Variants in FAM47E observed in about 807,000 individuals in gnomAD.
FAM47E encodes the protein family with sequence similarity 47 member E, also known as protein FAM47E.
A neutral mutation model predicts 41.6 loss-of-function variants in FAM47E; 32 were observed. The ratio of observed to expected loss-of-function variants is 0.77; its 90% CI spans 0.58 to 1.03. FAM47E has a LOEUF of 1.03. FAM47E is among the 50% of genes least tolerant of loss of function. The pLI is 0.00. For synonymous variants in FAM47E, 184 were observed against 188.7 expected (o/e 0.98, Z 0.20); for missense variants, 424 against 485.4 (o/e 0.87, Z 1.19).
At chr4:76,253,677 G>A (rs979874690) in intron 1 of FAM47E, among the ~76,000 whole-genome samples, 2 of 151,970 alleles carry the variant, frequency 1.3e-5, no homozygotes, top group African/African-American at 2.4e-5. Context: ...GGTGGCACAT[G>A]CCTGTAGTCC....
At chr4:76,270,937 C>G (rs1326625406) in intron 4 of FAM47E, among the ~76,000 whole-genome samples, 1 of 152,178 alleles carries the variant, frequency 6.6e-6, no homozygotes, top group African/African-American at 2.4e-5. Context: ...TGACTCCTCT[C>G]TATAAATTTT....
At chr4:76,239,053 A>G (rs1025242828) in intron 2 of FAM47E, among the ~76,000 whole-genome samples, 2 of 152,198 alleles carry the variant, frequency 1.3e-5, no homozygotes, top group Non-Finnish European at 2.9e-5. Flanking sequence ...TCCATGTTAT[A>G]CCATATATCA....
intron 3 of FAM47E, among the ~76,000 whole-genome samples, chr4:76,266,691 C>T (rs765622872): frequency 1.5e-4 from 23 of 152,166 alleles, no homozygotes; most frequent in Non-Finnish European, 2.8e-4. Flanking sequence ...GCTTGAGATT[C>T]TCCAATTGCT....
chr4:76,266,782 T>G (rs1287380674), intron 3 of FAM47E, among the ~76,000 whole-genome samples: 1 of 152,206 alleles, frequency 6.6e-6, no homozygotes. Context: ...CTCTCAAGCC[T>G]CATCCTCTAC....
chr4:76,237,193 C>G lies in FAM47E; in HGVS notation c.81+19505C>G, dbSNP rs560766018. On this transcript the variant is annotated intron_variant, in intron 2 of 7. Transcript: ENST00000510197. ...TACAGGTGTGAGCCACCGCGCCTGGCCATAAAATGTTTCTTATCAGATTTA... is the reference window on the plus strand; with the variant it reads ...TACAGGTGTGAGCCACCGCGCCTGGGCATAAAATGTTTCTTATCAGATTTA... Among the ~76,000 whole-genome samples the G allele has an allele frequency of 2.6e-5, 4 of 151,904 alleles. No individual in the cohort carries two copies. The South Asian group carries it at 8.3e-4, about 32-fold the overall frequency.
At chr4:76,272,337 C>T (rs1299115724) in intron 5 of FAM47E, among the ~76,000 whole-genome samples, 1 of 152,180 alleles carries the variant, frequency 6.6e-6, no homozygotes, top group Non-Finnish European at 1.5e-5. Context: ...TACAGTGTGT[C>T]ACTGCAAATA....
intron 2 of FAM47E, among the ~76,000 whole-genome samples, chr4:76,224,268 T>G (rs1733358000): frequency 6.6e-6 from 1 of 152,234 alleles, no homozygotes; most frequent in Admixed American, 6.5e-5. Context: ...GCTGGCCATC[T>G]GTGTTAATTG....
At chr4:76,259,455 A>G (rs946779349) in intron 2 of FAM47E, among the ~76,000 whole-genome samples, 1 of 152,214 alleles carries the variant, frequency 6.6e-6, no homozygotes. Flanking sequence ...ACTTTTTAAA[A>G]TCAGTGATAT....
intron 2 of FAM47E, among the ~76,000 whole-genome samples, chr4:76,262,241 C>A (rs1336185272): frequency 1.3e-5 from 2 of 152,126 alleles, no homozygotes. Flanking sequence ...AACGTATTCT[C>A]CAAGGAGAGC....
chr4:76,263,582 T>C, intron 2 of FAM47E, 122 bp from the exon 3 acceptor site: 1 of 1,213,810 alleles, frequency 8.2e-7, no homozygotes, highest in Non-Finnish European at 1.1e-6. Context: ...CAGAAGTTGG[T>C]GAACAGCACT....
chr4:76,272,018 G>A (rs551997521), intron 5 of FAM47E, among the ~76,000 whole-genome samples: 41 of 152,228 alleles, frequency 2.7e-4, no homozygotes, highest in Non-Finnish European at 4.6e-4. Context: ...TAATTTGTTA[G>A]GTGTTTTATA....
chr4:76,245,193 C>T (rs1733799165), intron 2 of FAM47E, among the ~76,000 whole-genome samples: 1 of 151,866 alleles, frequency 6.6e-6, no homozygotes, highest in Non-Finnish European at 1.5e-5. Flanking sequence ...AATACTGAGT[C>T]ATAAGTAACA....
rs1435004023 is a variant in FAM47E at position 76,283,438 on chromosome 4, A to G, written c.1162A>G (p.Ile388Val). Residue 388 changes from isoleucine (I) to valine (V), a missense_variant, in exon 8 of 8, where the codon ATA becomes GTA. Coordinates refer to ENST00000424749, the MANE Select transcript of FAM47E (RefSeq NM_001136570.3). ...TAAACGTGCATGTAATAAGACTCCT[A>G]TAAAACGAACTCAAGCATAGAAGAA... Reference protein sequence around the residue: ...ECKRACNKTPIKRTQA With the variant: ...ECKRACNKTPVKRTQA 5 of 1,544,888 alleles carry G rather than the reference A, an allele frequency of 3.2e-6. No homozygotes were observed. Among genetic ancestry groups the G allele is most frequent in the Non-Finnish European group, 3.5e-6 (4 of 1,140,924 alleles).
At position 76,268,720 on chromosome 4, in the gene FAM47E, A is replaced by G; in HGVS notation, c.621A>G (p.Lys207=). 6.4e-7 allele frequency: 1 copy of G among 1,551,538 alleles called. No homozygotes were observed. The highest frequency in any genetic ancestry group is 8.7e-7 in the Non-Finnish European group (1 of 1,146,926). ...GGCTTTATGAAGAAAAGCCACATAA[A>G]ATGGATTTGCTCCATGAAAATGGTC... ...GQWLYEEKPH[K]MDLLHENGPR... is the part of the protein sequence containing the mutation. Residue 207 remains lysine, a synonymous_variant, in exon 4 of 8, where the codon AAA becomes AAG. Coordinates refer to ENST00000424749, the MANE Select transcript of FAM47E (RefSeq NM_001136570.3).
intron 1 of FAM47E, among the ~76,000 whole-genome samples, chr4:76,216,327 T>G (rs893243705): frequency 6.6e-6 from 1 of 152,102 alleles, no homozygotes; most frequent in African/African-American, 2.4e-5. Context: ...AAAAAAAAAT[T>G]TGGTAACTTG....
chr4:76,263,135 A>T (rs992131596), intron 2 of FAM47E, among the ~76,000 whole-genome samples: 2 of 151,996 alleles, frequency 1.3e-5, no homozygotes, highest in Non-Finnish European at 1.5e-5. Flanking sequence ...AGATGACTGA[A>T]ATTATAAAGC....
intron 5 of FAM47E, among the ~76,000 whole-genome samples, chr4:76,277,586 C>T (rs1044877993): frequency 6.6e-5 from 10 of 152,180 alleles, no homozygotes; most frequent in East Asian, 3.9e-4. Context: ...GGCTGAGCAC[C>T]GTGCTGGGCT....
chr4:76,244,925 A>G (rs1307521074), intron 2 of FAM47E, among the ~76,000 whole-genome samples: 1 of 152,200 alleles, frequency 6.6e-6, no homozygotes, highest in African/African-American at 2.4e-5. Context: ...TATAAACCAC[A>G]TTGTAGTAAA....
chr4:76,260,552 C>A (rs1734365606), intron 2 of FAM47E, among the ~76,000 whole-genome samples: 1 of 148,182 alleles, frequency 6.7e-6, no homozygotes, highest in African/African-American at 2.5e-5. Context: ...TCACCATATA[C>A]AAAAATTAAC....
Sources: gnomAD v4.1 joint callset for allele counts (sites outside exome capture counted in the v4.1 genomes callset) on GRCh38, gnomAD v4.1.1 for gene constraint, MANE v1.5 for transcripts, NCBI Gene and HGNC (gene_info 2026-07-23, HGNC 2026-07-21) for gene names.